SLX4IP: variants seen among roughly 807,000 people sequenced by gnomAD.
SLX4IP encodes the protein SLX4 interacting protein, also known as protein SLX4IP.
SLX4IP carries 34 observed loss-of-function variants against 32.9 expected under a neutral mutation model. The ratio of observed to expected loss-of-function variants is 1.03; its 90% CI spans 0.79 to 1.38. The LOEUF is 1.38. SLX4IP is among the 40% of genes most tolerant of loss of function. The pLI is 0.00. For missense variants in SLX4IP, 444 were observed against 479.0 expected, an observed-to-expected ratio of 0.93 and a Z score of 0.68; for synonymous variants, 172 against 171.7, an observed-to-expected ratio of 1.00 and a Z score of -0.01.
At chr20:10,522,422 C>A (rs1237171933) in intron 2 of SLX4IP, among the ~76,000 whole-genome samples, 2 of 152,132 alleles carry the variant, frequency 1.3e-5, no homozygotes, top group African/African-American at 4.8e-5. Context: ...TATACAAACC[C>A]GTAGGGTGGA....
chr20:10,613,018 G>T (rs937369097), intron 6 of SLX4IP: 4 of 216,014 alleles, frequency 1.9e-5, no homozygotes, highest in Non-Finnish European at 3.7e-5. Context: ...TGGGAAGTAT[G>T]TGGAAGATAG....
At chr20:10,475,200 G>T (rs1223936149) in intron 2 of SLX4IP, among the ~76,000 whole-genome samples, 1 of 151,792 alleles carries the variant, frequency 6.6e-6, no homozygotes, top group Non-Finnish European at 1.5e-5. Flanking sequence ...GCCACCATCA[G>T]TTTGGTGTAT....
chr20:10,596,367 C>T (rs1439025741), intron 4 of SLX4IP, among the ~76,000 whole-genome samples: 2 of 152,038 alleles, frequency 1.3e-5, no homozygotes, highest in East Asian at 1.9e-4. Context: ...GGACTACAGG[C>T]GTGTACCACC....
At chr20:10,483,939 G>T (rs543337341) in intron 2 of SLX4IP, among the ~76,000 whole-genome samples, 1 of 152,168 alleles carries the variant, frequency 6.6e-6, no homozygotes, top group Admixed American at 6.5e-5. Flanking sequence ...GGGTCACAGA[G>T]AAAAGTCTGA....
At chr20:10,514,982 C>A (rs2065836930) in intron 2 of SLX4IP, among the ~76,000 whole-genome samples, 1 of 150,722 alleles carries the variant, frequency 6.6e-6, no homozygotes, top group African/African-American at 2.4e-5. Context: ...TGGATTTGGC[C>A]ATTTTTGAAG....
At chr20:10,573,541 G>A (rs545595228) in intron 4 of SLX4IP, among the ~76,000 whole-genome samples, 115 of 152,282 alleles carry the variant, frequency 7.6e-4, no homozygotes, top group African/African-American at 2.6e-3. Flanking sequence ...GAACTGTACC[G>A]CAGTCACAGA....
intron 7 of SLX4IP, among the ~76,000 whole-genome samples, chr20:10,621,645 A>G (rs1438405694): frequency 6.6e-6 from 1 of 152,176 alleles, no homozygotes; most frequent in African/African-American, 2.4e-5. Flanking sequence ...TTTGAAGATG[A>G]AAAGCACCTG....
At chr20:10,604,357 C>T (rs981510334) in intron 6 of SLX4IP, among the ~76,000 whole-genome samples, 1 of 152,238 alleles carries the variant, frequency 6.6e-6, no homozygotes, top group Non-Finnish European at 1.5e-5. Flanking sequence ...GGGTGCCTTA[C>T]TCGTGCTGTA....
At chr20:10,499,628 C>T (rs1440149522) in intron 2 of SLX4IP, among the ~76,000 whole-genome samples, 1 of 152,116 alleles carries the variant, frequency 6.6e-6, no homozygotes, top group South Asian at 2.1e-4. Flanking sequence ...ACAGACAAGA[C>T]AAATTTTTTG....
intron 6 of SLX4IP, among the ~76,000 whole-genome samples, chr20:10,617,129 A>G (rs2067044551): frequency 6.6e-6 from 1 of 152,190 alleles, no homozygotes; most frequent in Non-Finnish European, 1.5e-5. Flanking sequence ...CACTTCCCAC[A>G]TGATTTTGAT....
At chr20:10,501,343 C>T (rs1004026250) in intron 2 of SLX4IP, among the ~76,000 whole-genome samples, 1 of 152,066 alleles carries the variant, frequency 6.6e-6, no homozygotes, top group African/African-American at 2.4e-5. Context: ...GTTCTCCCCT[C>T]CCCCCACAGT....
intron 4 of SLX4IP, among the ~76,000 whole-genome samples, chr20:10,596,072 C>G (rs1331294762): frequency 1.3e-5 from 2 of 152,116 alleles, no homozygotes; most frequent in Non-Finnish European, 2.9e-5. Context: ...ATACTGCTTT[C>G]TTTTTCTATA....
At chr20:10,454,419 GTA>G (rs144234413) in intron 1 of SLX4IP, among the ~76,000 whole-genome samples, 75,302 of 151,728 alleles carry the variant, frequency 0.5, 20,038 homozygotes, top group Non-Finnish European at 0.6. Flanking sequence ...GAAGGTCTCT[GTA>G]TTTGTATTCC....
intron 2 of SLX4IP, among the ~76,000 whole-genome samples, chr20:10,497,988 G>A (rs2065683234): frequency 6.6e-6 from 1 of 151,582 alleles, no homozygotes; most frequent in South Asian, 2.1e-4. Flanking sequence ...AAGTCATAGA[G>A]CATATTATCA....
At chr20:10,493,515 A>G (rs1365309893) in intron 2 of SLX4IP, among the ~76,000 whole-genome samples, 1 of 151,958 alleles carries the variant, frequency 6.6e-6, no homozygotes, top group Admixed American at 6.6e-5. Context: ...TGTATAGTCA[A>G]CATCTACAGA....
chr20:10,613,752 T>A, intron 6 of SLX4IP: 1 of 1,613,768 alleles, frequency 6.2e-7, no homozygotes, highest in Non-Finnish European at 8.5e-7. Context: ...TATCCTGGGT[T>A]CCTCTGTGTA....
intron 2 of SLX4IP, among the ~76,000 whole-genome samples, chr20:10,537,806 G>T (rs2066061833): frequency 1.3e-5 from 2 of 152,194 alleles, no homozygotes; most frequent in Non-Finnish European, 2.9e-5. Flanking sequence ...TCAAGAGAAA[G>T]GACAACATGA....
At chr20:10,496,933 A>G (rs938289656) in intron 2 of SLX4IP, among the ~76,000 whole-genome samples, 1 of 152,242 alleles carries the variant, frequency 6.6e-6, no homozygotes, top group African/African-American at 2.4e-5. Context: ...ACCTAGACTT[A>G]GCACATTTTG....
At chr20:10,509,374 C>A (rs554070865) in intron 2 of SLX4IP, among the ~76,000 whole-genome samples, 1 of 152,310 alleles carries the variant, frequency 6.6e-6, no homozygotes, top group Admixed American at 6.5e-5. Flanking sequence ...TTGATAGTCA[C>A]CAGCAGAGCA....
Sources: allele counts gnomAD v4.1 joint callset (sites outside exome capture counted in the v4.1 genomes callset), GRCh38; gene constraint gnomAD v4.1.1; transcripts MANE v1.5; gene names NCBI Gene and HGNC (gene_info 2026-07-23, HGNC 2026-07-21).